SLFN13: variants seen among roughly 807,000 people sequenced by gnomAD.
SLFN13 encodes the protein schlafen-13.
SLFN13 carries 43 observed loss-of-function variants against 50.6 expected under a neutral mutation model. The observed-to-expected ratio is 0.85, with a 90% CI of 0.67 to 1.09. The LOEUF is 1.09. Ranked by LOEUF, SLFN13 falls within the 50% of genes least tolerant of loss-of-function variation. The probability of loss-of-function intolerance (pLI) is 0.00; values close to 1 mark genes in which losing one functional copy is unlikely to be tolerated. For missense variants in SLFN13, 881 were observed against 1,071.1 expected, an observed-to-expected ratio of 0.82 and a Z score of 2.48; for synonymous variants, 339 against 386.5, an observed-to-expected ratio of 0.88 and a Z score of 1.44.
At chr17:35,449,642 A>G (rs1400646058), upstream of SLFN13, among the ~76,000 whole-genome samples, 1 of 152,178 alleles carries the variant, frequency 6.6e-6, no homozygotes, top group Non-Finnish European at 1.5e-5. Context: ...GTGCTCAGTC[A>G]ACGCCTTGGA....
In SLFN13 at chr17:35,438,810, G is replaced by C. The variant is rs1273545511; in HGVS notation, c.*1785C>G. 6.6e-6 allele frequency: 1 copy of C among 152,096 alleles called. No homozygotes were observed. The highest frequency in any genetic ancestry group is 1.5e-5 in the Non-Finnish European group (1 of 68,012). 9.4% of individuals were successfully genotyped at this position (152,096 alleles called of 1,614,324 possible). A position where few individuals can be genotyped will look rare whatever the true frequency, so the allele number is the denominator to read the frequency against. On this transcript the variant is annotated 3_prime_UTR_variant, in exon 6 of 6. Transcript: ENST00000285013. ...GCATGTGGTTTCTTAATTTTCATTA[G>C]TTATGCAAATATTTTATTGTTAGTA...
chr17:35,444,848 G>A lies in SLFN13; in HGVS notation c.833C>T (p.Ser278Phe), dbSNP rs1009459233. 5 of 1,614,086 alleles carry A rather than the reference G, an allele frequency of 3.1e-6. No individual in the cohort carries two copies. The African/African-American group carries it at 6.7e-5, about 22-fold the overall frequency. The change falls in exon 3 of 6, where the codon TCT (serine) becomes TTT (phenylalanine). Residue 278 changes from serine to phenylalanine, a missense_variant. By Grantham distance (155) the Ser-to-Phe change is radical (BLOSUM62 -2). Coordinates refer to ENST00000285013, the MANE Select transcript of SLFN13 (RefSeq NM_144682.6). The stretch of plus-strand genomic sequence containing the variant: ...GCAAAAATGAACAATGGGCAACTTA[G>A]AAATTGCTCTTGCAATTACATTTTT... The part of the protein sequence containing the change: ...SLKNVIARAI[S>F]KLPIVHFCSS...
Position 35,445,636 on chromosome 17 carries a change from T to G in SLFN13, c.45A>C (p.Pro15=). 1 of 1,614,080 alleles carries G rather than the reference T, an allele frequency of 6.2e-7. No individual in the cohort carries two copies. Among genetic ancestry groups the G allele is most frequent in the Non-Finnish European group, 8.5e-7 (1 of 1,179,974 alleles). The change falls in exon 3 of 6, where the codon CCA becomes CCC. Residue 15 remains proline (P), a synonymous_variant. Coordinates refer to ENST00000285013, the MANE Select transcript of SLFN13 (RefSeq NM_144682.6). The part of the protein sequence containing the change: ...HCSLGVYPSY[P]DLVIDVGEVT... The stretch of plus-strand genomic sequence containing the variant: ...CTTCTCCGACATCGATGACCAGGTC[T>G]GGGTAAGATGGATACACACCCAGGG...
At chr17:35,444,556 G>C in intron 3 of SLFN13, 59 bp downstream of exon 3, 3 of 1,427,304 alleles carry the variant, frequency 2.1e-6, no homozygotes, top group Non-Finnish European at 2.9e-6. Flanking sequence ...AATAAAGAAG[G>C]AAGTGGTATT....
intron 4 of SLFN13, 38 bp downstream of exon 4, chr17:35,443,751 C>A (rs982441723): frequency 1.3e-6 from 2 of 1,589,976 alleles, no homozygotes; most frequent in African/African-American, 2.7e-5. Context: ...TATTAAATGA[C>A]TTCCTTCTCT....
rs1912651654 is a variant in SLFN13, at chr17:35,436,564, T to C, written c.*4031A>G. ...TAGGGAAACCTGGCAGACGCCACTT[T>C]ATCCAAATGATCAGAGTTAACATCA... On this transcript the variant is annotated 3_prime_UTR_variant, in exon 6 of 6. Coordinates refer to ENST00000285013, the MANE Select transcript of SLFN13 (RefSeq NM_144682.6). The C allele has an allele frequency of 6.6e-6, 1 of 152,142 alleles. No individual in the cohort carries two copies. The highest frequency in any genetic ancestry group is 2.1e-4 in the South Asian group (1 of 4,832). The allele number at this position is 152,142 out of a possible 1,614,324, so 9.4% of individuals were successfully genotyped here.
At chr17:35,442,746 T>C (rs1354507880) in intron 4 of SLFN13, among the ~76,000 whole-genome samples, 1 of 152,184 alleles carries the variant, frequency 6.6e-6, no homozygotes, top group Non-Finnish European at 1.5e-5. Context: ...CCTTGCCTGG[T>C]GCATATCTCT....
upstream of SLFN13, among the ~76,000 whole-genome samples, chr17:35,449,422 C>G (rs573186715): frequency 6.6e-6 from 1 of 152,062 alleles, no homozygotes; most frequent in Non-Finnish European, 1.5e-5. Context: ...AGCTCTCGCC[C>G]GAGCTTTCCC....
intron 2 of SLFN13, 85 bp from the exon 3 acceptor site, chr17:35,445,778 G>T (rs140139169): frequency 9.1e-7 from 1 of 1,101,536 alleles, no homozygotes; most frequent in Non-Finnish European, 1.3e-6. Flanking sequence ...TATTTAAAAC[G>T]TGTCTAATAT....
chr17:35,437,262 G>C lies in SLFN13; in HGVS notation c.*3333C>G, dbSNP rs1303010835. ...GCTAGGATTCAGTGACACGATTATC[G>C]CTAACTACAGCCTTGAACTCCTGGA... On this transcript the variant is annotated 3_prime_UTR_variant, in exon 6 of 6. Coordinates refer to ENST00000285013, the MANE Select transcript of SLFN13 (RefSeq NM_144682.6). 1 of 151,934 alleles carries C rather than the reference G, an allele frequency of 6.6e-6. No homozygotes were observed. The highest frequency in any genetic ancestry group is 1.5e-5 in the Non-Finnish European group (1 of 67,994). 9.4% of individuals were successfully genotyped at this position (151,934 alleles called of 1,614,324 possible). A position where few individuals can be genotyped will look rare whatever the true frequency, so the allele number is the denominator to read the frequency against.
chr17:35,444,505 GA>G, intron 3 of SLFN13, 109 bp downstream of exon 3: 1 of 981,114 alleles, frequency 1.0e-6, no homozygotes, highest in Admixed American at 3.0e-5. Context: ...GAGATTTAGA[GA>G]AAGTAAATTT....
intron 3 of SLFN13, 24 bp downstream of exon 3, chr17:35,444,591 A>C: frequency 6.3e-7 from 1 of 1,599,458 alleles, no homozygotes; most frequent in Non-Finnish European, 8.5e-7. Flanking sequence ...AAGGTCAGGA[A>C]GGGAGAATCT....
intron 4 of SLFN13, among the ~76,000 whole-genome samples, chr17:35,442,843 C>T (rs8076768): frequency 0.4 from 60,717 of 152,032 alleles, 13,868 homozygotes; most frequent in East Asian, 0.65. Flanking sequence ...AACTGAAATG[C>T]AATTTACTGA....
intron 3 of SLFN13, 24 bp from the exon 4 acceptor site, chr17:35,443,944 T>C: frequency 6.2e-7 from 1 of 1,609,028 alleles, no homozygotes; most frequent in Non-Finnish European, 8.5e-7. Flanking sequence ...CATTTTAATT[T>C]ACACTATATG....
At position 35,440,839 on chromosome 17, in the gene SLFN13, G is replaced by A. The variant is rs1017579933; in HGVS notation, c.2450C>T (p.Thr817Ile). The A allele has an allele frequency of 1.8e-5, 29 of 1,613,982 alleles. No individual in the cohort carries two copies. The highest frequency in any genetic ancestry group is 8.3e-5 in the Admixed American group (5 of 60,010). ...KDVAVLVSTV[T>I]EVEQYQSKLL... ...CTTAGACTGATACTGCTCCACTTCT[G>A]TCACGGTGCTGACAAGCACAGCAAC... is the stretch of plus-strand genomic sequence containing the variant. The change falls in exon 6 of 6, where the codon ACA (threonine) becomes ATA (isoleucine). Residue 817 changes from threonine (T) to isoleucine (I), a missense_variant. By Grantham distance (89) the Thr-to-Ile change is moderately conservative (BLOSUM62 -1). This residue lies in a region of SLFN13 where 322 missense variants were observed against 327.4 expected (regional missense o/e 0.98). Coordinates refer to ENST00000285013, the MANE Select transcript of SLFN13 (RefSeq NM_144682.6).
In SLFN13 at chr17:35,441,217, T is replaced by G. The variant is rs776310204; in HGVS notation, c.2072A>C (p.Glu691Ala). 1 of 1,614,094 alleles carries G rather than the reference T, an allele frequency of 6.2e-7. No homozygotes were observed. The highest frequency in any genetic ancestry group is 8.5e-7 in the Non-Finnish European group (1 of 1,180,002). Residue 691 changes from glutamate (E) to alanine (A), a missense_variant, in exon 6 of 6, where the codon GAA (glutamate) becomes GCA (alanine). Physicochemically the swap from Glu to Ala is moderately radical, Grantham distance 107. Coordinates refer to ENST00000285013, the MANE Select transcript of SLFN13 (RefSeq NM_144682.6). ...CCAGAGAACTCCTGGACAATCCTTT[T>G]CTCTCTGAGTGATGGTTTTTGCCTT... ...YRKAKTITQR[E>A]KDCPGVLWIF... is the part of the protein sequence containing the mutation.
rs766609151 is a variant in SLFN13 at position 35,441,513 on chromosome 17, A to T, written c.1922+50T>A. ...GGAAGAAGGTGACTTAGCAGAAAAA[A>T]TTAAACCCAGATTAAATAAAACTTA... is the stretch of plus-strand genomic sequence containing the variant. On this transcript the variant is annotated intron_variant, in intron 5 of 5. Transcript: ENST00000285013. The T allele has an allele frequency of 8.7e-6, 14 of 1,610,292 alleles. 2 individuals carry two copies. The African/African-American group carries it at 1.2e-4, about 14-fold the overall frequency.
intron 1 of SLFN13, 69 bp from the exon 2 acceptor site, chr17:35,447,483 C>T (rs1319060537): frequency 2.0e-5 from 3 of 152,094 alleles, no homozygotes; most frequent in African/African-American, 4.8e-5. Context: ...CTTTGAACCC[C>T]CCCTACACAT....
intron 2 of SLFN13, among the ~76,000 whole-genome samples, chr17:35,446,420 G>A (rs115816851): frequency 0.014 from 2,195 of 152,258 alleles, 54 homozygotes; most frequent in African/African-American, 0.05. Flanking sequence ...TAAACCAGGG[G>A]CTAAGGTCTT....
Sources: allele counts gnomAD v4.1 joint callset (sites outside exome capture counted in the v4.1 genomes callset), GRCh38; gene constraint gnomAD v4.1.1; regional missense constraint gnomAD v4.1.1; transcripts MANE v1.5; gene names NCBI Gene and HGNC (gene_info 2026-07-23, HGNC 2026-07-21).